PREP: variants seen among roughly 807,000 people sequenced by gnomAD.
The protein encoded by PREP is dJ355L5.1 (prolyl endopeptidase).
A neutral mutation model predicts 87.6 loss-of-function variants in PREP; 29 were observed. The ratio of observed to expected loss-of-function variants is 0.33; its 90% CI spans 0.25 to 0.45. The LOEUF is 0.45. PREP is among the 20% of genes least tolerant of loss of function. The probability of loss-of-function intolerance (pLI) is 1.00; values close to 1 mark genes in which losing one functional copy is unlikely to be tolerated. For synonymous variants in PREP, 337 were observed against 328.6 expected (o/e 1.03, Z -0.28); for missense variants, 695 against 886.5 (o/e 0.78, Z 2.74).
At chr6:105,349,013 G>A (rs1055261335) in intron 7 of PREP, among the ~76,000 whole-genome samples, 1 of 151,856 alleles carries the variant, frequency 6.6e-6, no homozygotes, top group African/African-American at 2.4e-5. Flanking sequence ...CTTTGGAGAC[G>A]ATCTGCTTAG....
chr6:105,391,060 C>CT (rs1554212311), intron 2 of PREP, among the ~76,000 whole-genome samples: 265 of 140,138 alleles, frequency 1.9e-3, no homozygotes, highest in African/African-American at 4.3e-3. Context: ...CACACACACA[C>CT]TTTTTTTTTT....
intron 6 of PREP, among the ~76,000 whole-genome samples, chr6:105,356,848 C>T (rs137882429): frequency 6.6e-6 from 1 of 152,300 alleles, no homozygotes; most frequent in African/African-American, 2.4e-5. Context: ...ATGTCTTAAA[C>T]AAGTCTCTTG....
intron 6 of PREP, among the ~76,000 whole-genome samples, chr6:105,356,417 A>G (rs1283635139): frequency 6.6e-6 from 1 of 152,208 alleles, no homozygotes; most frequent in Non-Finnish European, 1.5e-5. Flanking sequence ...AGTAGTTCTT[A>G]GCTTGAATCA....
intron 10 of PREP, chr6:105,298,234 T>G (rs1770453517): frequency 6.6e-6 from 1 of 152,232 alleles, no homozygotes; most frequent in Non-Finnish European, 1.5e-5. Flanking sequence ...TTGCAGGACA[T>G]CTGGCCCCAA....
In PREP at chr6:105,322,915, A is replaced by G. The variant is rs2756329; in HGVS notation, c.1317+750T>C. The G allele has an allele frequency of 8.9e-3, 10,743 of 1,211,618 alleles. 458 individuals carry two copies. The African/African-American group carries it at 0.1, about 11-fold the overall frequency. The allele number at this position is 1,211,618 out of a possible 1,614,324, so 75.1% of individuals were successfully genotyped here. Reference sequence around the variant, plus strand: ...TTGTGGGGAACATCCAGCGCTCTTTATTCTCATCTTCCTTCACAAACAATG... The same window carrying G: ...TTGTGGGGAACATCCAGCGCTCTTTGTTCTCATCTTCCTTCACAAACAATG... On this transcript the variant is annotated intron_variant, in intron 10 of 14. Coordinates refer to ENST00000652536, the MANE Select transcript of PREP (RefSeq NM_002726.5).
In PREP at chr6:105,274,645, G is replaced by C. The variant is rs2114604299; in HGVS notation, c.*3499C>G. Among the ~76,000 whole-genome samples the C allele has an allele frequency of 6.6e-6, 1 of 152,284 alleles. No homozygotes were observed. Among genetic ancestry groups the C allele is most frequent in the East Asian group, 1.9e-4 (1 of 5,174 alleles). ...TAGCCGGGAATGATGGTATGCGCCT[G>C]TAATACCAGCTACTGGGAAGGCTGA... is the stretch of plus-strand genomic sequence containing the variant. On this transcript the variant is annotated 3_prime_UTR_variant, in exon 15 of 15. Coordinates refer to ENST00000652536, the MANE Select transcript of PREP (RefSeq NM_002726.5).
At chr6:105,386,530 A>G (rs1290246183) in intron 2 of PREP, among the ~76,000 whole-genome samples, 1 of 152,164 alleles carries the variant, frequency 6.6e-6, no homozygotes, top group African/African-American at 2.4e-5. Flanking sequence ...ATTTTGTCAC[A>G]TGCCTTGATT....
At chr6:105,300,341 C>T (rs576338492) in intron 10 of PREP, among the ~76,000 whole-genome samples, 1 of 152,228 alleles carries the variant, frequency 6.6e-6, no homozygotes, top group Admixed American at 6.5e-5. Flanking sequence ...TTAGTGTTAC[C>T]ATCTTGAAGA....
intron 10 of PREP, among the ~76,000 whole-genome samples, chr6:105,315,405 G>A (rs780020414): frequency 2.0e-5 from 3 of 152,152 alleles, no homozygotes; most frequent in African/African-American, 4.8e-5. Context: ...CTCCTGGCCC[G>A]AGAGTTCCTA....
At chr6:105,366,907 G>A (rs1459870100) in intron 6 of PREP, among the ~76,000 whole-genome samples, 2 of 152,216 alleles carry the variant, frequency 1.3e-5, no homozygotes, top group Non-Finnish European at 2.9e-5. Context: ...AAGTAGAATG[G>A]TGGCTGCCAG....
In PREP at chr6:105,330,396, G is replaced by A. The variant is rs888912131; in HGVS notation, c.1016-1370C>T. Among the ~76,000 whole-genome samples the A allele has an allele frequency of 2.6e-5, 4 of 152,280 alleles. No homozygotes were observed. The South Asian group carries it at 8.3e-4, about 32-fold the overall frequency. ...GTATTTCCCAAGAAGAATAGCCAGG[G>A]CTTGATGCCTGCAGGGATATGGAGA... On this transcript the variant is annotated intron_variant, in intron 8 of 14. Coordinates refer to ENST00000652536, the MANE Select transcript of PREP (RefSeq NM_002726.5).
intron 10 of PREP, among the ~76,000 whole-genome samples, chr6:105,296,769 G>A (rs1583040790): frequency 2.0e-5 from 3 of 152,010 alleles, no homozygotes; most frequent in East Asian, 3.9e-4. Flanking sequence ...TTCATTCCTC[G>A]AAATCTTTTT....
In PREP at chr6:105,278,048, C is replaced by T; in HGVS notation, c.*96G>A. The T allele has an allele frequency of 7.0e-7, 1 of 1,422,900 alleles. No homozygotes were observed. Among genetic ancestry groups the T allele is most frequent in the Non-Finnish European group, 9.6e-7 (1 of 1,038,622 alleles). 88.1% of individuals were successfully genotyped at this position (1,422,900 alleles called of 1,614,324 possible). ...AGCCTGTGAGTGCAGGAATAATGTT[C>T]CCGTGGGGAAGCATTATGCCCAGTG... On this transcript the variant is annotated 3_prime_UTR_variant, in exon 15 of 15. Transcript: ENST00000652536. The surrounding 1 kb of genome is among the most constrained non-coding windows in gnomAD (Gnocchi z 4.2).
intron 10 of PREP, among the ~76,000 whole-genome samples, chr6:105,290,951 C>A (rs1003969775): frequency 1.3e-5 from 2 of 152,132 alleles, no homozygotes; most frequent in Non-Finnish European, 2.9e-5. Flanking sequence ...AGGCATACCT[C>A]GGAGATATAT....
At chr6:105,321,719 T>C (rs997645123) in intron 10 of PREP, among the ~76,000 whole-genome samples, 1 of 152,164 alleles carries the variant, frequency 6.6e-6, no homozygotes, top group Non-Finnish European at 1.5e-5. Flanking sequence ...GTTGTCATTA[T>C]TATAGGGGTC....
intron 9 of PREP, among the ~76,000 whole-genome samples, chr6:105,324,351 A>G (rs1220027122): frequency 1.3e-5 from 2 of 152,230 alleles, no homozygotes; most frequent in Non-Finnish European, 1.5e-5. Context: ...TGCTTTTCCA[A>G]TTTGGATTGT....
Position 105,273,471 on chromosome 6 carries a change from G to A in PREP, c.*4673C>T, listed in dbSNP as rs1315935172. ...CACTAATCTACATTCTATCTTTATAGAACTGCCTTTTCAGGATATTTCACT... is the reference window on the plus strand; with the variant it reads ...CACTAATCTACATTCTATCTTTATAAAACTGCCTTTTCAGGATATTTCACT... On this transcript the variant is annotated 3_prime_UTR_variant, in exon 15 of 15. Transcript: ENST00000652536. The A allele has an allele frequency of 6.6e-6, 1 of 152,230 alleles. No individual in the cohort carries two copies. The highest frequency in any genetic ancestry group is 3.4e-3 in the Middle Eastern group (1 of 294). The allele number at this position is 152,230 out of a possible 1,614,324, so 9.4% of individuals were successfully genotyped here.
chr6:105,387,538 G>A (rs2114725689), intron 2 of PREP, among the ~76,000 whole-genome samples: 1 of 150,698 alleles, frequency 6.6e-6, no homozygotes, highest in Non-Finnish European at 1.5e-5. Context: ...GCTTCCCTGG[G>A]CCACACTGGA....
chr6:105,277,734 A>G lies in PREP; in HGVS notation c.*410T>C, dbSNP rs1431275622. 1 of 164,406 alleles carries G rather than the reference A, an allele frequency of 6.1e-6. No individual in the cohort carries two copies. Among genetic ancestry groups the G allele is most frequent in the Non-Finnish European group, 1.3e-5 (1 of 75,658 alleles). The allele number at this position is 164,406 out of a possible 1,614,324, so 10.2% of individuals were successfully genotyped here. A position where few individuals can be genotyped will look rare whatever the true frequency, so the allele number is the denominator to read the frequency against. On this transcript the variant is annotated 3_prime_UTR_variant, in exon 15 of 15. Coordinates refer to ENST00000652536, the MANE Select transcript of PREP (RefSeq NM_002726.5). The stretch of plus-strand genomic sequence containing the variant: ...TAAAAGCCTGTCATTCTTAAATAAC[A>G]TTTATTATTGTTGCAAAGAAGTCTT...
Sources: allele counts gnomAD v4.1 joint callset (sites outside exome capture counted in the v4.1 genomes callset), GRCh38; gene constraint gnomAD v4.1.1; non-coding constraint Gnocchi (gnomAD v3.1); transcripts MANE v1.5; gene names NCBI Gene and HGNC (gene_info 2026-07-23, HGNC 2026-07-21).